Variants in SETD2 observed in about 807,000 individuals in gnomAD.
The protein encoded by SETD2 is histone-lysine N-methyltransferase SETD2.
Under a neutral mutation model 242.1 loss-of-function variants are expected in SETD2, and 31 were observed. The ratio of observed to expected loss-of-function variants is 0.13; its 90% CI spans 0.10 to 0.17. SETD2 has a LOEUF of 0.17. SETD2 is among the 10% of genes least tolerant of loss of function. The probability of loss-of-function intolerance (pLI) is 1.00; values close to 1 mark genes in which losing one functional copy is unlikely to be tolerated. For missense variants in SETD2, 2,481 were observed against 3,046.3 expected, an observed-to-expected ratio of 0.81 and a Z score of 4.37; for synonymous variants, 1,006 against 1,066.5, an observed-to-expected ratio of 0.94 and a Z score of 1.11.
At chr3:47,141,665 G>GA (rs1322230216) in intron 1 of SETD2, among the ~76,000 whole-genome samples, 4 of 151,750 alleles carry the variant, frequency 2.6e-5, no homozygotes, top group Non-Finnish European at 5.9e-5. Context: ...TTGTTATAAA[G>GA]AAAAAATAAA....
intron 1 of SETD2, among the ~76,000 whole-genome samples, chr3:47,140,607 T>C (rs1038384291): frequency 6.6e-6 from 1 of 152,174 alleles, no homozygotes; most frequent in Non-Finnish European, 1.5e-5. Flanking sequence ...ACGCCTGTAA[T>C]CTCAGCACTT....
At chr3:47,072,711 C>T (rs984222192) in intron 12 of SETD2, among the ~76,000 whole-genome samples, 9 of 151,822 alleles carry the variant, frequency 5.9e-5, no homozygotes, top group Admixed American at 2.6e-4. Flanking sequence ...TTTGGAAGGA[C>T]GAGGCAGGCA....
At chr3:47,153,321 G>T (rs976118970) in intron 1 of SETD2, among the ~76,000 whole-genome samples, 1 of 151,866 alleles carries the variant, frequency 6.6e-6, no homozygotes, top group Non-Finnish European at 1.5e-5. Context: ...ATTATACAAG[G>T]TAATTGCCTT....
In SETD2 at chr3:47,037,724, A is replaced by C; in HGVS notation, c.7292T>G (p.Leu2431Arg). 1.2e-6 allele frequency: 2 copies of C among 1,613,932 alleles called. No individual in the cohort carries two copies. The highest frequency in any genetic ancestry group is 1.7e-6 in the Non-Finnish European group (2 of 1,179,878). Residue 2431 changes from leucine to arginine, a missense_variant, in exon 18 of 21, where the codon CTT becomes CGT. By Grantham distance (102) the Leu-to-Arg change is moderately radical (BLOSUM62 -2). Around this residue, in one of 17 missense-constraint regions of SETD2, gnomAD observed 235 missense variants for 293.9 expected, o/e 0.80. Transcript: ENST00000409792. ...CAGGTCCATCTCAGCTTCATGCTCA[A>C]GGCTGGCATCATCTCCTGGGCTTTC... ...TWESPGDDAS[L>R]EHEAEMDLGT...
chr3:47,063,931 C>T (rs571302681), intron 13 of SETD2, among the ~76,000 whole-genome samples: 2 of 151,728 alleles, frequency 1.3e-5, no homozygotes, highest in Non-Finnish European at 2.9e-5. Flanking sequence ...TGCAGTGAGC[C>T]GAGATCGCGC....
rs56191823 is a variant in SETD2, at chr3:47,029,483, C to CAA, written c.7350+8181_7350+8182dup. 1.6e-3 allele frequency among the ~76,000 whole-genome samples: 199 copies of CAA among 122,020 alleles called. 1 individual carries two copies. Among genetic ancestry groups the CAA allele is most frequent in the East Asian group, 0.012 (55 of 4,474 alleles). 80.0% of individuals were successfully genotyped at this position (122,020 alleles called of 152,430 possible). A position where few individuals can be genotyped will look rare whatever the true frequency, so the allele number is the denominator to read the frequency against. On this transcript the variant is annotated intron_variant, in intron 18 of 20. Transcript: ENST00000409792. ...CTTATTAAAACACACAAATAAAAAGCAAAAAAAAAAAACAAAATAAAAAAC... is the reference window on the plus strand; with the variant it reads ...CTTATTAAAACACACAAATAAAAAGCAAAAAAAAAAAAAACAAAATAAAAAAC...
At chr3:47,030,975 T>G (rs2038740094) in intron 18 of SETD2, among the ~76,000 whole-genome samples, 1 of 152,144 alleles carries the variant, frequency 6.6e-6, no homozygotes, top group African/African-American at 2.4e-5. Context: ...TATTGCTAAG[T>G]GAATGAAGCC....
At chr3:47,032,359 T>A (rs2038808223) in intron 18 of SETD2, among the ~76,000 whole-genome samples, 1 of 151,222 alleles carries the variant, frequency 6.6e-6, no homozygotes. Context: ...TACAAAAATG[T>A]ACAAAACTTA....
At position 47,077,840 on chromosome 3, in the gene SETD2, C is replaced by G. The variant is rs182075710; in HGVS notation, c.6060+5880G>C. 2.0e-3 allele frequency among the ~76,000 whole-genome samples: 297 copies of G among 152,190 alleles called. 3 individuals carry two copies. The highest frequency in any genetic ancestry group is 6.5e-3 in the African/African-American group (271 of 41,510). ...ATAATGGAGATATGTCAGAATGACA[C>G]AAAAGCCAACATGAAAGGGCTTCTA... On this transcript the variant is annotated intron_variant, in intron 12 of 20. Coordinates refer to ENST00000409792, the MANE Select transcript of SETD2 (RefSeq NM_014159.7).
rs1448910747 is a variant in SETD2 at position 47,016,687 on chromosome 3, G to GA, written c.*405dup. On this transcript the variant is annotated 3_prime_UTR_variant, in exon 21 of 21. Transcript: ENST00000409792. Reference sequence around the variant, plus strand: ...AAAACGAAAACCAAACAAAAACCAGGAAAAAACAAATTATTTTCAATATAT... The same window carrying GA: ...AAAACGAAAACCAAACAAAAACCAGGAAAAAAACAAATTATTTTCAATATAT... 4.2e-6 allele frequency: 1 copy of GA among 237,584 alleles called. No homozygotes were observed. The highest frequency in any genetic ancestry group is 8.3e-6 in the Non-Finnish European group (1 of 121,092). The allele number at this position is 237,584 out of a possible 1,614,324, so 14.7% of individuals were successfully genotyped here.
intron 17 of SETD2, among the ~76,000 whole-genome samples, chr3:47,038,923 G>T (rs2039147719): frequency 6.6e-6 from 1 of 152,136 alleles, no homozygotes; most frequent in Admixed American, 6.6e-5. Context: ...ACAGTCTTCT[G>T]CTTTACCACC....
chr3:47,101,601 T>C (rs200178101), intron 7 of SETD2, 46 bp from the exon 8 acceptor site: 38 of 507,460 alleles, frequency 7.5e-5, no homozygotes, highest in Admixed American at 5.7e-4. Context: ...CTTATTAGTG[T>C]GTGTGTGTGT....
intron 12 of SETD2, among the ~76,000 whole-genome samples, chr3:47,072,011 T>C (rs1253100557): frequency 1.3e-5 from 2 of 152,074 alleles, no homozygotes; most frequent in African/African-American, 2.4e-5. Context: ...ACAACACTTA[T>C]AAGAACAAAA....
At chr3:47,160,309 A>AT (rs905334688) in intron 1 of SETD2, among the ~76,000 whole-genome samples, 40 of 149,880 alleles carry the variant, frequency 2.7e-4, no homozygotes, top group African/African-American at 7.4e-5. Context: ...TAATTTTATT[A>AT]TTTTTTTTTC....
intron 19 of SETD2, among the ~76,000 whole-genome samples, chr3:47,018,083 C>A (rs2038058961): frequency 6.6e-6 from 1 of 152,204 alleles, no homozygotes; most frequent in African/African-American, 2.4e-5. Context: ...TAGCTGGGTT[C>A]TCTGGGCCCT....
chr3:47,082,819 T>C (rs1214961653), intron 12 of SETD2, among the ~76,000 whole-genome samples: 1 of 152,180 alleles, frequency 6.6e-6, no homozygotes, highest in East Asian at 1.9e-4. Context: ...AATCACAGGA[T>C]CTAATGGAGT....
chr3:47,108,876 G>A lies in SETD2; in HGVS notation c.4716-2756C>T, dbSNP rs146119693. On this transcript the variant is annotated intron_variant, in intron 5 of 20. Transcript: ENST00000409792. ...GATTTAGGTTTCTTAGAGAAGCTAC[G>A]TGTCTCAATTAAAAACCAAAATAAA... 3.9e-5 allele frequency among the ~76,000 whole-genome samples: 6 copies of A among 152,290 alleles called. No individual in the cohort carries two copies. In the East Asian group the frequency reaches 5.8e-4, roughly 15 times the overall value.
chr3:47,056,454 A>C (rs570761465), intron 15 of SETD2, among the ~76,000 whole-genome samples: 2 of 152,244 alleles, frequency 1.3e-5, no homozygotes, highest in Admixed American at 1.3e-4. Flanking sequence ...AAACACAAAA[A>C]TATTACCATG....
At chr3:47,160,110 A>C (rs527550634) in intron 1 of SETD2, among the ~76,000 whole-genome samples, 23 of 152,202 alleles carry the variant, frequency 1.5e-4, no homozygotes, top group African/African-American at 4.6e-4. Context: ...CCTCTTATTG[A>C]AATGCCTTCA....
Sources: allele counts gnomAD v4.1 joint callset (sites outside exome capture counted in the v4.1 genomes callset), GRCh38; gene constraint gnomAD v4.1.1; regional missense constraint gnomAD v4.1.1; transcripts MANE v1.5; gene names NCBI Gene and HGNC (gene_info 2026-07-23, HGNC 2026-07-21).